Variants in DYNC1LI1 observed in about 807,000 individuals in gnomAD.
DYNC1LI1 encodes the protein cytoplasmic dynein 1 light intermediate chain 1.
DYNC1LI1 carries 19 observed loss-of-function variants against 63.8 expected under a neutral mutation model. The observed-to-expected ratio is 0.30, with a 90% CI of 0.21 to 0.44. The LOEUF is 0.44. Ranked by LOEUF, DYNC1LI1 falls within the 20% of genes least tolerant of loss-of-function variation. DYNC1LI1 has a pLI of 1.00. For synonymous variants in DYNC1LI1, 225 were observed against 232.3 expected, an observed-to-expected ratio of 0.97 and a Z score of 0.28; for missense variants, 565 against 630.2, an observed-to-expected ratio of 0.90 and a Z score of 1.11.
chr3:32,568,674 C>T (rs949933736), intron 2 of DYNC1LI1, among the ~76,000 whole-genome samples: 4 of 151,748 alleles, frequency 2.6e-5, no homozygotes, highest in Admixed American at 2.6e-4. Context: ...ACAAAACTGC[C>T]ACTTTTGTTT....
Position 32,570,300 on chromosome 3 carries a change from G to A in DYNC1LI1, c.220+46C>T, listed in dbSNP as rs765275626. On this transcript the variant is annotated intron_variant, in intron 2 of 12. Transcript: ENST00000273130. ...GCTAGCCCGCGGACCAGGTACCCCG[G>A]GCCGCTGGGGGCCGGGCGGGGCGGG... 4.0e-6 allele frequency: 6 copies of A among 1,495,940 alleles called. No individual in the cohort carries two copies. The African/African-American group carries it at 4.2e-5, about 10-fold the overall frequency. 92.7% of individuals were successfully genotyped at this position (1,495,940 alleles called of 1,614,324 possible).
intron 5 of DYNC1LI1, among the ~76,000 whole-genome samples, chr3:32,537,952 TATATATATA>T: frequency 2.2e-4 from 1 of 4,584 alleles, no homozygotes; most frequent in African/African-American, 1.1e-3. Flanking sequence ...ATATATAATT[TATATATATA>T]ATATATATAT....
intron 12 of DYNC1LI1, 86 bp from the exon 13 acceptor site, chr3:32,526,994 TAACACTTTCATTAACTTTA>T: frequency 1.1e-6 from 1 of 894,686 alleles, no homozygotes; most frequent in South Asian, 1.5e-5. Flanking sequence ...TAAAAAGTCC[TAACACTTTCATTAACTTTA>T]TTTAGCACAC....
At chr3:32,550,356 G>A (rs909946446) in intron 2 of DYNC1LI1, among the ~76,000 whole-genome samples, 1 of 152,170 alleles carries the variant, frequency 6.6e-6, no homozygotes, top group African/African-American at 2.4e-5. Flanking sequence ...GCTTGAACCC[G>A]GGAGGCGGAA....
intron 2 of DYNC1LI1, among the ~76,000 whole-genome samples, chr3:32,547,136 G>A (rs1054471270): frequency 1.3e-5 from 2 of 152,024 alleles, no homozygotes; most frequent in South Asian, 2.1e-4. Flanking sequence ...CCAGCTACTC[G>A]GGAGACTGAG....
In DYNC1LI1 at chr3:32,534,447, A is replaced by T. The variant is rs1697748017; in HGVS notation, c.968+64T>A. 4 of 1,234,298 alleles carry T rather than the reference A, an allele frequency of 3.2e-6. No homozygotes were observed. The Admixed American group carries it at 9.3e-5, about 29-fold the overall frequency. 76.5% of individuals were successfully genotyped at this position (1,234,298 alleles called of 1,614,324 possible). A position where few individuals can be genotyped will look rare whatever the true frequency, so the allele number is the denominator to read the frequency against. On this transcript the variant is annotated intron_variant, in intron 7 of 12. Transcript: ENST00000273130. ...TTGGTCCCATCTCAAAACTGAAATAATGATTCACCATCAAATAGTAGCAAT... is the reference window on the plus strand; with the variant it reads ...TTGGTCCCATCTCAAAACTGAAATATTGATTCACCATCAAATAGTAGCAAT...
At chr3:32,547,486 T>C (rs1014703895) in intron 2 of DYNC1LI1, among the ~76,000 whole-genome samples, 5 of 152,172 alleles carry the variant, frequency 3.3e-5, no homozygotes, top group African/African-American at 7.2e-5. Flanking sequence ...AAAACATATA[T>C]GTCTTAAGTC....
Position 32,529,253 on chromosome 3 carries a change from T to C in DYNC1LI1, c.1306+287A>G, listed in dbSNP as rs140415151. Among the ~76,000 whole-genome samples, 492 of 152,352 alleles carry C rather than the reference T, an allele frequency of 3.2e-3. 6 individuals carry two copies. The highest frequency in any genetic ancestry group is 0.011 in the African/African-American group (455 of 41,590). On this transcript the variant is annotated intron_variant, in intron 11 of 12. Transcript: ENST00000273130. ...ATTATGCATATAGTTTTTTCCTTTATGTTAATTGCAGATTACTTATTATAG... is the reference window on the plus strand; with the variant it reads ...ATTATGCATATAGTTTTTTCCTTTACGTTAATTGCAGATTACTTATTATAG...
chr3:32,536,197 A>G (rs1697771719), intron 6 of DYNC1LI1, among the ~76,000 whole-genome samples: 1 of 152,204 alleles, frequency 6.6e-6, no homozygotes, highest in Non-Finnish European at 1.5e-5. Flanking sequence ...AATGAAAATG[A>G]TTTATAATTT....
chr3:32,536,758 T>C (rs1697779615), intron 6 of DYNC1LI1, among the ~76,000 whole-genome samples: 1 of 152,198 alleles, frequency 6.6e-6, no homozygotes, highest in Non-Finnish European at 1.5e-5. Flanking sequence ...CTTTTCCACA[T>C]ACAATTGGTA....
chr3:32,540,945 A>G, intron 5 of DYNC1LI1, 92 bp downstream of exon 5: 2 of 867,694 alleles, frequency 2.3e-6, no homozygotes, highest in Non-Finnish European at 1.7e-6. Context: ...ATCTAGGAGA[A>G]CTAATGTGTT....
intron 4 of DYNC1LI1, among the ~76,000 whole-genome samples, chr3:32,541,832 T>C (rs953136194): frequency 2.0e-5 from 3 of 152,182 alleles, no homozygotes; most frequent in Non-Finnish European, 4.4e-5. Context: ...CCGTAATTAC[T>C]CGCCTAGGAA....
At chr3:32,566,781 T>C (rs1698266332) in intron 2 of DYNC1LI1, 1 of 413,462 alleles carries the variant, frequency 2.4e-6, no homozygotes, top group African/African-American at 2.1e-5. Flanking sequence ...ATATAATCAA[T>C]TGTATTAAAA....
At position 32,546,262 on chromosome 3, in the gene DYNC1LI1, G is replaced by T. The variant is rs797014530; in HGVS notation, c.221-297C>A. On this transcript the variant is annotated intron_variant, in intron 2 of 12. Coordinates refer to ENST00000273130, the MANE Select transcript of DYNC1LI1 (RefSeq NM_016141.4). The stretch of plus-strand genomic sequence containing the variant: ...GTCTCTACTAAAAGTAGAAAAATTA[G>T]TCAGGCGTGGTGGTGCATGCCTGTA... 8.5e-5 allele frequency among the ~76,000 whole-genome samples: 13 copies of T among 152,270 alleles called. 1 individual carries two copies. The highest frequency in any genetic ancestry group is 2.9e-4 in the African/African-American group (12 of 41,552).
chr3:32,545,163 A>G, intron 3 of DYNC1LI1, 57 bp from the exon 4 acceptor site: 3 of 1,129,626 alleles, frequency 2.7e-6, no homozygotes, highest in Non-Finnish European at 4.0e-6. Context: ...TTCATCATCC[A>G]ACTAACAGTA....
At chr3:32,569,004 A>T (rs368532194) in intron 2 of DYNC1LI1, among the ~76,000 whole-genome samples, 1 of 152,198 alleles carries the variant, frequency 6.6e-6, no homozygotes, top group African/African-American at 2.4e-5. Flanking sequence ...TCTGATCACA[A>T]ATATTTTCTA....
At chr3:32,527,693 C>G (rs1345328978) in intron 12 of DYNC1LI1, among the ~76,000 whole-genome samples, 1 of 152,142 alleles carries the variant, frequency 6.6e-6, no homozygotes, top group Non-Finnish European at 1.5e-5. Context: ...CAAATATCCA[C>G]ACAAAAACGG....
In DYNC1LI1 at chr3:32,529,528, A is replaced by T; in HGVS notation, c.1306+12T>A. On this transcript the variant is annotated intron_variant, in intron 11 of 12. Coordinates refer to ENST00000273130, the MANE Select transcript of DYNC1LI1 (RefSeq NM_016141.4). The stretch of plus-strand genomic sequence containing the variant: ...AATGTATTGTCTTGTTATCTCCTAG[A>T]AAGAGATGTACCTTTCATGTTTGGA... The T allele has an allele frequency of 6.3e-7, 1 of 1,597,982 alleles. No homozygotes were observed. Among genetic ancestry groups the T allele is most frequent in the Non-Finnish European group, 8.5e-7 (1 of 1,171,982 alleles).
At chr3:32,564,176 G>A (rs1431268994) in intron 2 of DYNC1LI1, among the ~76,000 whole-genome samples, 1 of 152,124 alleles carries the variant, frequency 6.6e-6, no homozygotes, top group Admixed American at 6.5e-5. Flanking sequence ...CATCGTGGTG[G>A]GACTACAGTC....
Sources: allele counts gnomAD v4.1 joint callset (sites outside exome capture counted in the v4.1 genomes callset), GRCh38; gene constraint gnomAD v4.1.1; transcripts MANE v1.5; gene names NCBI Gene and HGNC (gene_info 2026-07-23, HGNC 2026-07-21).